SPAG16: variants seen among roughly 807,000 people sequenced by gnomAD.
The protein encoded by SPAG16 is sperm-associated antigen 16 protein.
A neutral mutation model predicts 80.4 loss-of-function variants in SPAG16; 86 were observed. The observed-to-expected ratio is 1.07, with a 90% CI of 0.90 to 1.28. SPAG16 has a LOEUF of 1.28. SPAG16 is among the 50% of genes most tolerant of loss of function. SPAG16 has a pLI of 0.00. For synonymous variants in SPAG16, 294 were observed against 265.9 expected, an observed-to-expected ratio of 1.11 and a Z score of -1.03; for missense variants, 870 against 765.3, an observed-to-expected ratio of 1.14 and a Z score of -1.61.
At chr2:214,383,071 T>A (rs954121202) in intron 15 of SPAG16, among the ~76,000 whole-genome samples, 1 of 152,096 alleles carries the variant, frequency 6.6e-6, no homozygotes, top group Non-Finnish European at 1.5e-5. Context: ...ATACTATGCT[T>A]GTCCCTGAGA....
chr2:213,313,761 G>T (rs979016122), intron 4 of SPAG16, among the ~76,000 whole-genome samples: 4 of 151,832 alleles, frequency 2.6e-5, no homozygotes, highest in Admixed American at 6.6e-5. Context: ...TAATAAACAT[G>T]TCAGCCATGC....
intron 9 of SPAG16, among the ~76,000 whole-genome samples, chr2:213,475,793 T>A (rs938957440): frequency 2.0e-5 from 3 of 152,156 alleles, no homozygotes; most frequent in Admixed American, 2.0e-4. Flanking sequence ...TGGAAATAGA[T>A]CCTTCTCAAA....
chr2:214,181,973 G>T (rs190958475), intron 15 of SPAG16, among the ~76,000 whole-genome samples: 3 of 151,752 alleles, frequency 2.0e-5, no homozygotes, highest in African/African-American at 7.2e-5. Flanking sequence ...CTTCATACAC[G>T]TACAAACTCA....
Position 213,621,633 on chromosome 2 carries a change from G to A in SPAG16, c.1070+131543G>A, listed in dbSNP as rs376080917. 9.2e-5 allele frequency among the ~76,000 whole-genome samples: 14 copies of A among 152,236 alleles called. No homozygotes were observed. In the East Asian group the frequency reaches 2.7e-3, roughly 29 times the overall value. ...TGACCAGGGAGAATTAATTGTGTAT[G>A]GAACAGTGAGATACATTTGAAAATG... On this transcript the variant is annotated intron_variant, in intron 10 of 15. Coordinates refer to ENST00000331683, the MANE Select transcript of SPAG16 (RefSeq NM_024532.5).
chr2:214,267,128 A>G (rs1249638592), intron 15 of SPAG16, among the ~76,000 whole-genome samples: 2 of 151,832 alleles, frequency 1.3e-5, no homozygotes, highest in African/African-American at 2.4e-5. Context: ...TGAATAACTA[A>G]AGTAACTTTT....
At chr2:214,213,403 T>C (rs2058347990) in intron 15 of SPAG16, among the ~76,000 whole-genome samples, 1 of 152,108 alleles carries the variant, frequency 6.6e-6, no homozygotes, top group Non-Finnish European at 1.5e-5. Context: ...AAACCACCTG[T>C]GCAACAACGC....
intron 15 of SPAG16, among the ~76,000 whole-genome samples, chr2:214,162,569 T>C (rs906891628): frequency 2.0e-5 from 3 of 152,136 alleles, no homozygotes; most frequent in Non-Finnish European, 2.9e-5. Context: ...AACTCTACTA[T>C]TGAAACTTGT....
chr2:213,991,205 A>G (rs80083429), intron 12 of SPAG16, among the ~76,000 whole-genome samples: 10 of 151,760 alleles, frequency 6.6e-5, no homozygotes, highest in African/African-American at 2.4e-4. Flanking sequence ...CCCTGTGTCC[A>G]TGTGTTCCCA....
rs151310135 is a variant in SPAG16 at position 213,857,033 on chromosome 2, C to A, written c.1071-5452C>A. ...TCACCTAAAGTCAGGAATTAGAGACCAGCCTGGCCAACATGGCGAAACCCT... is the reference window on the plus strand; with the variant it reads ...TCACCTAAAGTCAGGAATTAGAGACAAGCCTGGCCAACATGGCGAAACCCT... On this transcript the variant is annotated intron_variant, in intron 10 of 15. Coordinates refer to ENST00000331683, the MANE Select transcript of SPAG16 (RefSeq NM_024532.5). Among the ~76,000 whole-genome samples, 197 of 152,212 alleles carry A rather than the reference C, an allele frequency of 1.3e-3. No homozygotes were observed. In the Middle Eastern group the frequency reaches 0.014, roughly 11 times the overall value.
intron 15 of SPAG16, among the ~76,000 whole-genome samples, chr2:214,260,529 C>G (rs998585175): frequency 3.0e-5 from 4 of 135,580 alleles, no homozygotes; most frequent in African/African-American, 1.1e-4. Flanking sequence ...ACTACACTGG[C>G]ATCCATTAAA....
intron 13 of SPAG16, among the ~76,000 whole-genome samples, chr2:214,053,755 C>T (rs1304100347): frequency 6.6e-6 from 1 of 152,174 alleles, no homozygotes; most frequent in East Asian, 1.9e-4. Context: ...CTTGACCAGA[C>T]TCACACAGCC....
intron 7 of SPAG16, among the ~76,000 whole-genome samples, chr2:213,360,364 T>A (rs1052102951): frequency 5.3e-5 from 8 of 152,196 alleles, no homozygotes; most frequent in Non-Finnish European, 1.2e-4. Flanking sequence ...ATATCTGATA[T>A]CTATTGCAAA....
intron 10 of SPAG16, among the ~76,000 whole-genome samples, chr2:213,829,424 C>A (rs2125712785): frequency 6.6e-6 from 1 of 152,110 alleles, no homozygotes; most frequent in East Asian, 1.9e-4. Context: ...CTGGTAGGCC[C>A]AGAAAAGCCA....
chr2:213,584,994 G>A (rs926184349), intron 10 of SPAG16, among the ~76,000 whole-genome samples: 1 of 151,858 alleles, frequency 6.6e-6, no homozygotes, highest in African/African-American at 2.4e-5. Context: ...TTCAAGATCA[G>A]CCTGGCCAAC....
intron 12 of SPAG16, among the ~76,000 whole-genome samples, chr2:213,970,541 A>G (rs952093626): frequency 3.3e-5 from 5 of 152,092 alleles, no homozygotes; most frequent in Non-Finnish European, 5.9e-5. Context: ...AACACAAGCA[A>G]TCTGCCCAAT....
At chr2:213,443,100 T>A (rs2071080806) in intron 9 of SPAG16, among the ~76,000 whole-genome samples, 1 of 152,182 alleles carries the variant, frequency 6.6e-6, no homozygotes, top group Non-Finnish European at 1.5e-5. Flanking sequence ...TTATGCATAG[T>A]AAAATGATTA....
intron 12 of SPAG16, among the ~76,000 whole-genome samples, chr2:213,961,352 T>C (rs1013461971): frequency 1.3e-5 from 2 of 152,176 alleles, no homozygotes; most frequent in African/African-American, 4.8e-5. Context: ...AAATAGAGAA[T>C]TTTACTTCTT....
At chr2:214,123,081 A>C (rs942625527) in intron 14 of SPAG16, among the ~76,000 whole-genome samples, 2 of 151,936 alleles carry the variant, frequency 1.3e-5, no homozygotes, top group Non-Finnish European at 2.9e-5. Flanking sequence ...CGCTTTAAAA[A>C]AGTAAAGCAA....
At chr2:213,845,075 T>G (rs995589804) in intron 10 of SPAG16, among the ~76,000 whole-genome samples, 3 of 152,176 alleles carry the variant, frequency 2.0e-5, no homozygotes, top group African/African-American at 7.2e-5. Context: ...TGATTCTAAA[T>G]GCTGTCATTT....
Sources: gnomAD v4.1 joint callset for allele counts (sites outside exome capture counted in the v4.1 genomes callset) on GRCh38, gnomAD v4.1.1 for gene constraint, MANE v1.5 for transcripts, NCBI Gene and HGNC (gene_info 2026-07-23, HGNC 2026-07-21) for gene names.